Variants in LIMCH1 observed in about 807,000 individuals in gnomAD.
LIMCH1 encodes LIM and calponin homology domains-containing protein 1.
LIMCH1 carries 113 observed loss-of-function variants against 176.5 expected under a neutral mutation model. The observed-to-expected ratio is 0.64, with a 90% CI of 0.55 to 0.75. The LOEUF (loss-of-function observed/expected upper bound fraction) is 0.75. Ranked by LOEUF, LIMCH1 falls within the 30% of genes least tolerant of loss-of-function variation. LIMCH1 has a pLI of 0.00. For missense variants in LIMCH1, 1,674 were observed against 1,814.9 expected (o/e 0.92, Z 1.41); for synonymous variants, 619 against 645.9 (o/e 0.96, Z 0.63).
chr4:41,521,877 A>G (rs2076156062), intron 2 of LIMCH1, among the ~76,000 whole-genome samples: 1 of 152,150 alleles, frequency 6.6e-6, no homozygotes, highest in Non-Finnish European at 1.5e-5. Context: ...ATTCTGCCAT[A>G]TAAGTGTAAT....
chr4:41,415,636 T>C (rs914363969), intron 1 of LIMCH1, among the ~76,000 whole-genome samples: 4 of 152,152 alleles, frequency 2.6e-5, no homozygotes, highest in African/African-American at 9.7e-5. Context: ...TGGTTAGCTA[T>C]TGTCCTTTAT....
chr4:41,486,977 T>TACATACACACACACACAC (rs2069697071), intron 1 of LIMCH1, among the ~76,000 whole-genome samples: 1 of 138,404 alleles, frequency 7.2e-6, no homozygotes, highest in Non-Finnish European at 1.6e-5. Context: ...CACACATACA[T>TACATACACACACACACAC]ACACACACAC....
intron 1 of LIMCH1, among the ~76,000 whole-genome samples, chr4:41,460,458 C>CTATGTATATA (rs1554057133): frequency 2.7e-5 from 3 of 110,546 alleles, no homozygotes; most frequent in Non-Finnish European, 1.8e-5. Flanking sequence ...TAGTAATCAT[C>CTATGTATATA]TATATATATA....
chr4:41,597,663 G>A (rs7686857), intron 1 of LIMCH1, among the ~76,000 whole-genome samples: 12,786 of 152,156 alleles, frequency 0.084, 1,762 homozygotes, highest in African/African-American at 0.29. Context: ...TCTCCTTGCA[G>A]CTATAGAATT....
At chr4:41,435,299 T>C (rs558273444) in intron 1 of LIMCH1, among the ~76,000 whole-genome samples, 9 of 152,170 alleles carry the variant, frequency 5.9e-5, no homozygotes, top group African/African-American at 2.2e-4. Context: ...ATTTCGACGA[T>C]GAAGAAGGGA....
chr4:41,488,684 A>G (rs2070173242), intron 1 of LIMCH1, among the ~76,000 whole-genome samples: 1 of 152,176 alleles, frequency 6.6e-6, no homozygotes, highest in African/African-American at 2.4e-5. Context: ...AGTAATATAT[A>G]TTGTAGAAAG....
chr4:41,571,118 G>A (rs2083481331), intron 1 of LIMCH1, among the ~76,000 whole-genome samples: 1 of 152,098 alleles, frequency 6.6e-6, no homozygotes, highest in South Asian at 2.1e-4. Context: ...AACTCTTGTG[G>A]GCAGGAGAGC....
At chr4:41,414,645 C>T (rs554731952) in intron 1 of LIMCH1, among the ~76,000 whole-genome samples, 2 of 152,282 alleles carry the variant, frequency 1.3e-5, no homozygotes, top group South Asian at 2.1e-4. Context: ...GTCAACTACT[C>T]ATCATGGAAG....
At chr4:41,378,862 G>A (rs1205104781) in intron 1 of LIMCH1, among the ~76,000 whole-genome samples, 1 of 152,106 alleles carries the variant, frequency 6.6e-6, no homozygotes, top group African/African-American at 2.4e-5. Context: ...CATATTAGAA[G>A]GCCTTGACGA....
At chr4:41,438,183 A>G (rs767848403) in intron 1 of LIMCH1, among the ~76,000 whole-genome samples, 4 of 152,066 alleles carry the variant, frequency 2.6e-5, no homozygotes, top group Admixed American at 1.3e-4. Flanking sequence ...TGCCCATTTC[A>G]TGGCATGAGG....
At chr4:41,427,674 A>G (rs1291707114) in intron 1 of LIMCH1, among the ~76,000 whole-genome samples, 1 of 152,234 alleles carries the variant, frequency 6.6e-6, no homozygotes, top group Non-Finnish European at 1.5e-5. Context: ...TTTTGCCAGG[A>G]GACCTTTGCA....
intron 1 of LIMCH1, among the ~76,000 whole-genome samples, chr4:41,562,615 A>T (rs529126984): frequency 6.6e-6 from 1 of 152,274 alleles, no homozygotes; most frequent in South Asian, 2.1e-4. Flanking sequence ...CAAAATTCAA[A>T]ATTGTTACCC....
intron 1 of LIMCH1, among the ~76,000 whole-genome samples, chr4:41,435,436 C>T (rs2061988662): frequency 6.6e-6 from 1 of 152,156 alleles, no homozygotes; most frequent in South Asian, 2.1e-4. Context: ...ATTTCCTACC[C>T]CTAGAACTGT....
Position 41,680,068 on chromosome 4 carries a change from G to A in LIMCH1, c.3582G>A (p.Val1194=), listed in dbSNP as rs1456462824. 6.2e-7 allele frequency: 1 copy of A among 1,609,246 alleles called. No homozygotes were observed. The highest frequency in any genetic ancestry group is 2.2e-5 in the East Asian group (1 of 44,744). Residue 1194 remains valine (V), a synonymous_variant, in exon 24 of 32, where the codon GTG becomes GTA. Transcript: ENST00000503057. ...AGTGGGAAAAGGCCCAAAAGGAGGT[G>A]GAAGAGGAAGAACGCAGATACTATG... ...KEEWEKAQKE[V]EEEERRYYEE...
intron 1 of LIMCH1, among the ~76,000 whole-genome samples, chr4:41,474,834 A>G (rs1242092707): frequency 6.6e-6 from 1 of 152,202 alleles, no homozygotes; most frequent in African/African-American, 2.4e-5. Flanking sequence ...CATATACCCA[A>G]AGGAATTGAA....
At position 41,452,708 on chromosome 4, in the gene LIMCH1, C is replaced by T. The variant is rs566326365; in HGVS notation, c.97-41828C>T. Among the ~76,000 whole-genome samples, 45 of 152,298 alleles carry T rather than the reference C, an allele frequency of 3.0e-4. No individual in the cohort carries two copies. In the South Asian group the frequency reaches 4.6e-3, roughly 15 times the overall value. On this transcript the variant is annotated intron_variant, in intron 1 of 26. Coordinates refer to the LIMCH1 transcript ENST00000313860. ...CAACACCTCCTTCCTTCTTCTGCACCGCAAGGCCAGTTTCACATGCCAAAT... is the reference window on the plus strand; with the variant it reads ...CAACACCTCCTTCCTTCTTCTGCACTGCAAGGCCAGTTTCACATGCCAAAT...
rs1245483874 is a variant in LIMCH1 at position 41,629,675 on chromosome 4, CA to C, written c.1214del (p.Asn405ThrfsTer2). On this transcript the variant is annotated frameshift_variant, in exon 9 of 32. Transcript: ENST00000503057. LOFTEE classifies it high-confidence loss of function. ...REPPSFITLS[N>X]ITEADLETWE... is the part of the protein sequence containing the mutation. ...AGCCCCCGAGCTTCATTACGCTCTC[CA>C]ACATAACAGAAGCTGACTTGGAGAC... is the stretch of plus-strand genomic sequence containing the variant. The C allele has an allele frequency of 3.9e-6, 6 of 1,535,950 alleles. No individual in the cohort carries two copies. Among genetic ancestry groups the C allele is most frequent in the Non-Finnish European group, 4.4e-6 (5 of 1,146,902 alleles).
At chr4:41,371,394 A>C (rs1176763312) in intron 1 of LIMCH1, among the ~76,000 whole-genome samples, 1 of 152,248 alleles carries the variant, frequency 6.6e-6, no homozygotes, top group South Asian at 2.1e-4. Context: ...AGCCCAATGA[A>C]CCATCATCAG....
At chr4:41,491,558 C>T (rs2071011404) in intron 1 of LIMCH1, among the ~76,000 whole-genome samples, 1 of 150,994 alleles carries the variant, frequency 6.6e-6, no homozygotes, top group South Asian at 2.1e-4. Flanking sequence ...AGAGGCGCTC[C>T]TCACATCCCA....
Sources: allele counts gnomAD v4.1 joint callset (sites outside exome capture counted in the v4.1 genomes callset), GRCh38; gene constraint gnomAD v4.1.1; transcripts MANE v1.5; gene names NCBI Gene and HGNC (gene_info 2026-07-23, HGNC 2026-07-21).